Variants in ELF5 observed in about 807,000 individuals in gnomAD.
ELF5 encodes the protein E74 like ETS transcription factor 5, also known as ETS-related transcription factor Elf-5.
A neutral mutation model predicts 38.2 loss-of-function variants in ELF5; 31 were observed. The ratio of observed to expected loss-of-function variants is 0.81; its 90% CI spans 0.61 to 1.10. The LOEUF (loss-of-function observed/expected upper bound fraction) is 1.10. ELF5 is among the 50% of genes least tolerant of loss of function. The pLI, the probability that ELF5 is intolerant of heterozygous loss-of-function variation, is 0.00. For missense variants in ELF5, 300 were observed against 306.6 expected (o/e 0.98, Z 0.16); for synonymous variants, 121 against 112.5 (o/e 1.08, Z -0.48).
At position 34,484,481 on chromosome 11, in the gene ELF5, A is replaced by ATACTATCCTATCCTAT. The variant is rs111444312; in HGVS notation, c.407-1983_407-1982insATAGGATAGGATAGTA. Among the ~76,000 whole-genome samples, 370 of 115,920 alleles carry ATACTATCCTATCCTAT rather than the reference A, an allele frequency of 3.2e-3. 5 individuals are homozygous for ATACTATCCTATCCTAT. The highest frequency in any genetic ancestry group is 0.012 in the African/African-American group (355 of 30,034). 76.0% of individuals were successfully genotyped at this position (115,920 alleles called of 152,430 possible). On this transcript the variant is annotated intron_variant, in intron 4 of 6. Transcript: ENST00000257832. ...ATACTGTACTGTGCTACACTATACT[A>ATACTATCCTATCCTAT]ACTATACTATACTATACTATACTAT...
At chr11:34,501,559 G>C (rs751961755) in intron 2 of ELF5, among the ~76,000 whole-genome samples, 1 of 152,028 alleles carries the variant, frequency 6.6e-6, no homozygotes, top group Non-Finnish European at 1.5e-5. Flanking sequence ...ATATGCATGT[G>C]AACTACATGC....
intron 2 of ELF5, among the ~76,000 whole-genome samples, chr11:34,494,393 G>A (rs148994879): frequency 1.2e-4 from 18 of 152,326 alleles, no homozygotes; most frequent in Non-Finnish European, 7.3e-5. Context: ...ATTAGACATT[G>A]CCCAGAGTCT....
chr11:34,498,004 G>T (rs1273591978), intron 2 of ELF5, among the ~76,000 whole-genome samples: 1 of 152,216 alleles, frequency 6.6e-6, no homozygotes, highest in Admixed American at 6.5e-5. Context: ...TTTACTGGGA[G>T]TGGAGGTGAA....
chr11:34,488,149 G>A (rs1253033896), intron 4 of ELF5, among the ~76,000 whole-genome samples: 3 of 151,494 alleles, frequency 2.0e-5, no homozygotes, highest in African/African-American at 7.3e-5. Context: ...TAATATCATC[G>A]TGATGAGCAG....
chr11:34,489,155 A>C (rs1198448717), intron 4 of ELF5, among the ~76,000 whole-genome samples: 1 of 152,264 alleles, frequency 6.6e-6, no homozygotes, highest in Non-Finnish European at 1.5e-5. Context: ...TAAAGCACCA[A>C]AAACAAAACG....
chr11:34,500,335 T>C (rs945855703), intron 2 of ELF5, among the ~76,000 whole-genome samples: 2 of 152,232 alleles, frequency 1.3e-5, no homozygotes, highest in African/African-American at 4.8e-5. Context: ...GCTTTGTCAC[T>C]GAAAGGAAGG....
At chr11:34,513,596 G>GCAGA (rs1291840550) in intron 1 of ELF5, 81 bp downstream of exon 1, 2 of 152,468 alleles carry the variant, frequency 1.3e-5, no homozygotes, top group African/African-American at 4.8e-5. Context: ...AGATGGACGA[G>GCAGA]CAGACCCAGG....
At chr11:34,491,557 G>A (rs1850171025) in intron 3 of ELF5, 1 of 150,732 alleles carries the variant, frequency 6.6e-6, no homozygotes, top group Non-Finnish European at 1.5e-5. Context: ...GGGCCCTGGG[G>A]TAATAAAACC....
At chr11:34,484,760 T>C (rs577356788) in intron 4 of ELF5, among the ~76,000 whole-genome samples, 2 of 152,080 alleles carry the variant, frequency 1.3e-5, no homozygotes, top group Admixed American at 1.3e-4. Flanking sequence ...CCCATCCAGA[T>C]CTCCAGTCTT....
intron 2 of ELF5, among the ~76,000 whole-genome samples, chr11:34,502,249 T>G (rs759940170): frequency 2.0e-5 from 3 of 152,186 alleles, no homozygotes; most frequent in Non-Finnish European, 2.9e-5. Context: ...TGAACCTGGG[T>G]GAACAGGAAG....
intron 1 of ELF5, among the ~76,000 whole-genome samples, chr11:34,513,289 G>A (rs1051563009): frequency 1.5e-4 from 23 of 152,206 alleles, no homozygotes; most frequent in Non-Finnish European, 2.9e-5. Context: ...ATTCAGTCAG[G>A]GGAGAAGGGT....
chr11:34,511,669 G>A, intron 1 of ELF5: 2 of 1,486,982 alleles, frequency 1.3e-6, no homozygotes, highest in Non-Finnish European at 1.9e-6. Context: ...GAGTTGGAGG[G>A]ACAGGCCTGT....
At position 34,480,317 on chromosome 11, in the gene ELF5, G is replaced by GA. The variant is rs754343372; in HGVS notation, c.672-4dup. On this transcript the variant is annotated splice_polypyrimidine_tract_variant and splice_region_variant and intron_variant, in intron 6 of 6. Coordinates refer to ENST00000257832, the MANE Select transcript of ELF5 (RefSeq NM_001422.4). The stretch of plus-strand genomic sequence containing the variant: ...AAATTCCTGTTTTATAGTAGTATCT[G>GA]AAAAAGCAAGCAGAAGAGAAATTCT... The GA allele has an allele frequency of 5.6e-6, 9 of 1,611,870 alleles. No homozygotes were observed. The highest frequency in any genetic ancestry group is 7.6e-6 in the Non-Finnish European group (9 of 1,178,588).
At chr11:34,504,694 C>T (rs890739767) in intron 2 of ELF5, among the ~76,000 whole-genome samples, 3 of 152,196 alleles carry the variant, frequency 2.0e-5, no homozygotes, top group African/African-American at 7.2e-5. Context: ...TCCTGTTGTG[C>T]CAGCAGTCAG....
At chr11:34,488,723 T>C (rs146283538) in intron 4 of ELF5, among the ~76,000 whole-genome samples, 1 of 152,198 alleles carries the variant, frequency 6.6e-6, no homozygotes, top group Non-Finnish European at 1.5e-5. Context: ...GGCTGGTAAG[T>C]GATTCCTATT....
intron 4 of ELF5, among the ~76,000 whole-genome samples, chr11:34,484,427 A>T (rs1367652997): frequency 6.6e-6 from 1 of 151,216 alleles, no homozygotes; most frequent in Non-Finnish European, 1.5e-5. Context: ...TATACTAACT[A>T]TACTGCACTG....
intron 4 of ELF5, among the ~76,000 whole-genome samples, chr11:34,487,497 G>T (rs559820937): frequency 6.6e-6 from 1 of 152,268 alleles, no homozygotes; most frequent in Non-Finnish European, 1.5e-5. Context: ...ACTGCTTTCT[G>T]ACCCAGACAA....
At position 34,490,183 on chromosome 11, in the gene ELF5, G is replaced by A. The variant is rs796234728; in HGVS notation, c.356-124C>T. The A allele has an allele frequency of 5.7e-6, 6 of 1,055,966 alleles. No homozygotes were observed. In the African/African-American group the frequency reaches 9.4e-5, roughly 16 times the overall value. The allele number at this position is 1,055,966 out of a possible 1,614,324, so 65.4% of individuals were successfully genotyped here. ...CCCTCTTGAGGTTGGTTACAATTTA[G>A]AGGGAACCTTGGAGACCATCTGGTC... On this transcript the variant is annotated intron_variant, in intron 3 of 6. Coordinates refer to ENST00000257832, the MANE Select transcript of ELF5 (RefSeq NM_001422.4).
At chr11:34,508,323 G>A (rs902629363) in intron 1 of ELF5, among the ~76,000 whole-genome samples, 9 of 152,146 alleles carry the variant, frequency 5.9e-5, no homozygotes, top group Middle Eastern at 3.4e-3. Flanking sequence ...TCAACATGGT[G>A]AAACCCCCGT....
Sources: allele counts gnomAD v4.1 joint callset (sites outside exome capture counted in the v4.1 genomes callset), GRCh38; gene constraint gnomAD v4.1.1; transcripts MANE v1.5; gene names NCBI Gene and HGNC (gene_info 2026-07-23, HGNC 2026-07-21).